Variants in METTL6 observed in about 807,000 individuals in gnomAD.
The protein encoded by METTL6 is tRNA N(3)-cytidine methyltransferase METTL6.
Under a neutral mutation model 26.4 loss-of-function variants are expected in METTL6, and 22 were observed. That is an observed-to-expected ratio of 0.83 (90% CI 0.59 to 1.19). The LOEUF (loss-of-function observed/expected upper bound fraction) is 1.19, where lower values mean the gene tolerates loss of function less well. METTL6 is among the 50% of genes most tolerant of loss of function. The probability of loss-of-function intolerance (pLI) is 0.00; values close to 1 mark genes in which losing one functional copy is unlikely to be tolerated. For synonymous variants in METTL6, 109 were observed against 116.2 expected, an observed-to-expected ratio of 0.94 and a Z score of 0.40; for missense variants, 304 against 324.8, an observed-to-expected ratio of 0.94 and a Z score of 0.49.
downstream of METTL6, among the ~76,000 whole-genome samples, chr3:15,409,409 G>T (rs1378123803): frequency 6.6e-6 from 1 of 152,176 alleles, no homozygotes; most frequent in African/African-American, 2.4e-5. Context: ...CTTCATAAAG[G>T]AAAAGTCATT....
rs999841052 is a variant in METTL6, at chr3:15,424,997, G to A, written c.318C>T (p.Ala106=). The A allele has an allele frequency of 9.3e-6, 15 of 1,614,056 alleles. No homozygotes were observed. Among genetic ancestry groups the A allele is most frequent in the Non-Finnish European group, 1.2e-5 (14 of 1,180,038 alleles). The change falls in exon 3 of 6, where the codon GCC becomes GCT. Residue 106 remains alanine (A), a synonymous_variant. Coordinates refer to ENST00000383790, the MANE Select transcript of METTL6 (RefSeq NM_152396.4). ...PLLEEDPNIF[A]YACDFSPRAI... ...CTCTTGGAGAAAAATCACAGGCATA[G>A]GCAAAGATATTCGGATCTTCTTCTA...
chr3:15,426,265 A>T lies in METTL6; in HGVS notation c.225+22T>A, dbSNP rs774748701. On this transcript the variant is annotated intron_variant, in intron 2 of 5. Transcript: ENST00000383790. ...ACATTTTAAATGAAGAACAGCTCAG[A>T]TAAGGCGTAATATTAGCTTACCTCT... is the stretch of plus-strand genomic sequence containing the variant. 4.4e-6 allele frequency: 7 copies of T among 1,605,320 alleles called. No homozygotes were observed. The African/African-American group carries it at 8.0e-5, about 18-fold the overall frequency.
intron 6 of METTL6, among the ~76,000 whole-genome samples, chr3:15,393,797 A>G (rs912964897): frequency 2.0e-5 from 3 of 152,178 alleles, no homozygotes; most frequent in African/African-American, 4.8e-5. Context: ...GCTGGATTAC[A>G]TTTATTGATT....
At chr3:15,417,371 C>T (rs1477945467) in intron 3 of METTL6, among the ~76,000 whole-genome samples, 1 of 151,934 alleles carries the variant, frequency 6.6e-6, no homozygotes, top group African/African-American at 2.4e-5. Flanking sequence ...AGAAGAATCG[C>T]TTGAACCTGG....
At chr3:15,402,949 A>G (rs983357443) in intron 6 of METTL6, among the ~76,000 whole-genome samples, 6 of 152,164 alleles carry the variant, frequency 3.9e-5, no homozygotes, top group Admixed American at 3.3e-4. Flanking sequence ...TCATCATTTC[A>G]AAGTTAAACT....
In METTL6 at chr3:15,398,791, A is replaced by G. The variant is rs1215091031; in HGVS notation, c.*11+12454T>C. 2.6e-5 allele frequency among the ~76,000 whole-genome samples: 4 copies of G among 151,860 alleles called. No homozygotes were observed. The East Asian group carries it at 7.8e-4, about 30-fold the overall frequency. The stretch of plus-strand genomic sequence containing the variant: ...TCTGAGCCTGGGAAGTTGAGGCTGC[A>G]GGGAGCCATGATCATGTCAGAGGTG... On this transcript the variant is annotated intron_variant, in intron 6 of 6. Transcript: ENST00000443029.
downstream of METTL6, among the ~76,000 whole-genome samples, chr3:15,409,746 T>C (rs1699896396): frequency 6.6e-6 from 1 of 152,136 alleles, no homozygotes; most frequent in Non-Finnish European, 1.5e-5. Context: ...AACAATCAGA[T>C]ATGGAGCCAT....
In METTL6 at chr3:15,425,904, T is replaced by G. The variant is rs553381731; in HGVS notation, c.225+383A>C. Among the ~76,000 whole-genome samples, 4 of 152,320 alleles carry G rather than the reference T, an allele frequency of 2.6e-5. 1 individual carries two copies. In the South Asian group the frequency reaches 8.3e-4, roughly 32 times the overall value. Reference sequence around the variant, plus strand: ...TGATAGGCTTCTTAAATTCTCTACTTCGCACTCTCCCTAGGAATGCAATAC... The same window carrying G: ...TGATAGGCTTCTTAAATTCTCTACTGCGCACTCTCCCTAGGAATGCAATAC... On this transcript the variant is annotated intron_variant, in intron 2 of 5. Transcript: ENST00000383790.
chr3:15,426,663 G>A (rs1044307089), intron 1 of METTL6, 28 bp from the exon 2 acceptor site: 2 of 682,134 alleles, frequency 2.9e-6, no homozygotes, highest in African/African-American at 3.6e-5. Context: ...TTAGATTCTG[G>A]TTAGTGGTTA....
chr3:15,415,426 G>A, intron 4 of METTL6: 1 of 1,430,598 alleles, frequency 7.0e-7, no homozygotes, highest in South Asian at 1.2e-5. Flanking sequence ...CAAAGTGTTG[G>A]GATTACAGGC....
intron 6 of METTL6, among the ~76,000 whole-genome samples, chr3:15,387,238 C>T (rs1699224725): frequency 6.6e-6 from 1 of 152,214 alleles, no homozygotes; most frequent in Admixed American, 6.5e-5. Flanking sequence ...CAGGGCCCTC[C>T]CCTGCCCTGC....
chr3:15,424,892 G>T, intron 3 of METTL6, 63 bp downstream of exon 3: 4 of 1,604,188 alleles, frequency 2.5e-6, no homozygotes, highest in Non-Finnish European at 3.4e-6. Flanking sequence ...AATAAAAAAG[G>T]CAGATCAAAC....
intron 3 of METTL6, among the ~76,000 whole-genome samples, chr3:15,424,274 ATTTG>A (rs2061672659): frequency 6.6e-6 from 1 of 152,108 alleles, no homozygotes; most frequent in African/African-American, 2.4e-5. Flanking sequence ...ATGTTATTTT[ATTTG>A]TTTATTTAAA....
intron 6 of METTL6, among the ~76,000 whole-genome samples, chr3:15,385,434 C>G (rs1477391204): frequency 1.3e-5 from 2 of 152,010 alleles, no homozygotes; most frequent in Admixed American, 1.3e-4. Context: ...CCTGTCTCTA[C>G]TAAAAATACA....
chr3:15,415,341 T>A (rs1462664073), intron 4 of METTL6, among the ~76,000 whole-genome samples: 2 of 152,242 alleles, frequency 1.3e-5, no homozygotes. Context: ...TAGCTTTTTT[T>A]AGACAAGGTC....
chr3:15,392,184 C>T (rs190548218), intron 6 of METTL6, among the ~76,000 whole-genome samples: 3,298 of 152,112 alleles, frequency 0.022, 102 homozygotes, highest in African/African-American at 0.072. Flanking sequence ...TTTTAATGAC[C>T]GCCATTCTAA....
At position 15,401,100 on chromosome 3, in the gene METTL6, C is replaced by T. The variant is rs184400607; in HGVS notation, c.*11+10145G>A. On this transcript the variant is annotated intron_variant, in intron 6 of 6. Coordinates refer to the METTL6 transcript ENST00000443029. ...TGTCGCCCAGGCTGGAGTGCAGTGG[C>T]GCAATCTTGGCTCACTGCAAGCTCC... Among the ~76,000 whole-genome samples, 299 of 151,736 alleles carry T rather than the reference C, an allele frequency of 2.0e-3. 1 individual carries two copies. The highest frequency in any genetic ancestry group is 6.6e-3 in the African/African-American group (274 of 41,384).
In METTL6 at chr3:15,410,954, A is replaced by G; in HGVS notation, c.*302T>C. The G allele has an allele frequency of 4.0e-6, 1 of 252,158 alleles. No individual in the cohort carries two copies. Among genetic ancestry groups the G allele is most frequent in the Admixed American group, 5.1e-5 (1 of 19,448 alleles). The allele number at this position is 252,158 out of a possible 1,614,324, so 15.6% of individuals were successfully genotyped here. ...GTCGCCCAGGCTGGAGTGCAATGGC[A>G]TGATCTTGGCTCACTGCAGTCTCCG... On this transcript the variant is annotated 3_prime_UTR_variant, in exon 6 of 6. Transcript: ENST00000383790.
chr3:15,384,046 G>A (rs1385323212), exon 7 of METTL6: 2 of 354,770 alleles, frequency 5.6e-6, no homozygotes, highest in Non-Finnish European at 1.1e-5. Context: ...TCTGGATAAA[G>A]GGTTACCAGG....
Sources: allele counts gnomAD v4.1 joint callset (sites outside exome capture counted in the v4.1 genomes callset), GRCh38; gene constraint gnomAD v4.1.1; transcripts MANE v1.5; gene names NCBI Gene and HGNC (gene_info 2026-07-23, HGNC 2026-07-21).